Variants in FARP2 observed in about 807,000 individuals in gnomAD.
The protein encoded by FARP2 is FERM, ARHGEF and pleckstrin domain-containing protein 2.
FARP2 carries 111 observed loss-of-function variants against 130.5 expected under a neutral mutation model. The observed-to-expected ratio is 0.85, with a 90% CI of 0.73 to 1.00. The LOEUF is 1.00. Among genes scored for constraint, FARP2 ranks in the 50% least tolerant of loss-of-function variants. The pLI is 0.00. For missense variants in FARP2, 1,385 were observed against 1,346.3 expected, an observed-to-expected ratio of 1.03 and a Z score of -0.45; for synonymous variants, 504 against 516.9, an observed-to-expected ratio of 0.98 and a Z score of 0.34.
At chr2:241,492,867 C>A in intron 24 of FARP2, 62 bp from the exon 25 acceptor site, 1 of 965,858 alleles carries the variant, frequency 1.0e-6, no homozygotes, top group Non-Finnish European at 1.7e-6. Context: ...GGGGAGCAAA[C>A]CCACTCCCAC....
At chr2:241,384,420 C>T (rs1418987743) in intron 2 of FARP2, among the ~76,000 whole-genome samples, 3 of 152,136 alleles carry the variant, frequency 2.0e-5, no homozygotes, top group Admixed American at 1.3e-4. Flanking sequence ...TTCTTTCCTC[C>T]TTGATCCACA....
chr2:241,441,508 A>G lies in FARP2; in HGVS notation c.1363A>G (p.Thr455Ala), dbSNP rs769907918. ...TGGAGCAGTGGCTGGAGGCCCCGACACACCATCGGCCCAGCCCCTCGGGCC... is the reference window on the plus strand; with the variant it reads ...TGGAGCAGTGGCTGGAGGCCCCGACGCACCATCGGCCCAGCCCCTCGGGCC... ...RSGAVAGGPD[T>A]PSAQPLGPPA... Residue 455 changes from threonine to alanine, a missense_variant, in exon 13 of 27, where the codon ACA becomes GCA. By Grantham distance (58) the Thr-to-Ala change is moderately conservative. Transcript: ENST00000264042. 2 of 1,613,970 alleles carry G rather than the reference A, an allele frequency of 1.2e-6. No homozygotes were observed. The highest frequency in any genetic ancestry group is 2.2e-5 in the South Asian group (2 of 91,082).
chr2:241,490,042 C>G lies in FARP2; in HGVS notation c.2502C>G (p.Ala834=). The G allele has an allele frequency of 6.2e-7, 1 of 1,611,616 alleles. No homozygotes were observed. Among genetic ancestry groups the G allele is most frequent in the Non-Finnish European group, 8.5e-7 (1 of 1,177,700 alleles). ...YAAQKTIVVA[A]STRLEKEKWM... ...CTCAGAAAACAATCGTGGTGGCAGC[C>G]AGGTAAGGGTCTTCCATGTCTCCAT... The change falls in exon 22 of 27, where the codon GCC becomes GCG. Residue 834 remains alanine (A), a splice_region_variant and synonymous_variant. Transcript: ENST00000264042.
rs535559544 is a variant in FARP2, at chr2:241,459,682, C to A, written c.1587+2760C>A. On this transcript the variant is annotated intron_variant, in intron 14 of 26. Transcript: ENST00000264042. The surrounding 1 kb of genome is among the most constrained non-coding windows in gnomAD (Gnocchi z 5.3). ...ATGCTCCTCTGGGCCTATCCCTGGC[C>A]GCCGTCTCATCCCTGGCCTGCAGCC... is the stretch of plus-strand genomic sequence containing the variant. 5.9e-5 allele frequency among the ~76,000 whole-genome samples: 9 copies of A among 152,310 alleles called. No homozygotes were observed. The highest frequency in any genetic ancestry group is 2.2e-4 in the African/African-American group (9 of 41,572).
chr2:241,493,853 T>C (rs1012614643), intron 26 of FARP2, 155 bp from the exon 27 acceptor site: 1 of 550,276 alleles, frequency 1.8e-6, no homozygotes, highest in Non-Finnish European at 3.2e-6. Context: ...TGCCTCAGCC[T>C]CCCAAAGTGC....
chr2:241,450,938 C>G (rs926336237), intron 13 of FARP2, among the ~76,000 whole-genome samples: 1 of 152,096 alleles, frequency 6.6e-6, no homozygotes. Context: ...GGCAACAGAG[C>G]AAGACTGTCT....
intron 2 of FARP2, among the ~76,000 whole-genome samples, chr2:241,378,233 T>C (rs890999773): frequency 1.1e-4 from 16 of 150,956 alleles, no homozygotes; most frequent in African/African-American, 3.9e-4. Flanking sequence ...TACTGAGTAG[T>C]TGGGATTACA....
chr2:241,404,697 A>T (rs1574749895), intron 3 of FARP2, 102 bp from the exon 4 acceptor site: 1 of 873,524 alleles, frequency 1.1e-6, no homozygotes. Context: ...TTTTCCTGAC[A>T]TAAAAATTTA....
At chr2:241,381,101 C>T (rs1445466988) in intron 2 of FARP2, among the ~76,000 whole-genome samples, 8 of 152,242 alleles carry the variant, frequency 5.3e-5, no homozygotes, top group Non-Finnish European at 8.8e-5. Flanking sequence ...TGCCTCGTGC[C>T]GCTGGTGTTC....
chr2:241,395,768 GCT>G (rs1363548631), intron 2 of FARP2: 1 of 152,116 alleles, frequency 6.6e-6, no homozygotes, highest in East Asian at 1.9e-4. Flanking sequence ...GGAAAAAAGG[GCT>G]CTCCTGACAG....
intron 13 of FARP2, among the ~76,000 whole-genome samples, chr2:241,450,664 T>A (rs1374234927): frequency 2.1e-5 from 3 of 146,126 alleles, no homozygotes; most frequent in African/African-American, 5.1e-5. Flanking sequence ...AGAGCGAGAC[T>A]CAGTCTCAAA....
At position 241,475,860 on chromosome 2, in the gene FARP2, C is replaced by G. The variant is rs554306939; in HGVS notation, c.2135C>G (p.Ala712Gly). ...ACTGAGGGGTCTCTCCACACAGACG[C>G]CCTGAAAGCCATCACAGAGGTGACC... The part of the protein sequence containing the change: ...GHHDYADCHD[A>G]LKAITEVTTT... Residue 712 changes from alanine to glycine, a missense_variant, in exon 19 of 27, where the codon GCC becomes GGC. Physicochemically the swap from Ala to Gly is moderately conservative, Grantham distance 60 (BLOSUM62 0). Transcript: ENST00000264042. This position sits in a 1 kb window ranked among gnomAD's most constrained non-coding sequence, Gnocchi z 4.4. 6.2e-7 allele frequency: 1 copy of G among 1,612,304 alleles called. No homozygotes were observed. The highest frequency in any genetic ancestry group is 8.5e-7 in the Non-Finnish European group (1 of 1,179,106).
chr2:241,358,354 T>A (rs956538064), intron 1 of FARP2, among the ~76,000 whole-genome samples: 9 of 152,174 alleles, frequency 5.9e-5, no homozygotes, highest in African/African-American at 1.9e-4. Context: ...AGAGAAAAAA[T>A]TAGGCAATAA....
intron 7 of FARP2, among the ~76,000 whole-genome samples, chr2:241,414,626 C>T (rs559201021): frequency 1.2e-4 from 18 of 152,318 alleles, no homozygotes; most frequent in South Asian, 2.1e-4. Flanking sequence ...GTGTGGATTT[C>T]GTGCACCTCA....
intron 2 of FARP2, among the ~76,000 whole-genome samples, chr2:241,394,778 A>G (rs1010198766): frequency 1.3e-5 from 2 of 152,230 alleles, no homozygotes; most frequent in Non-Finnish European, 2.9e-5. Flanking sequence ...GTTGAGTAAC[A>G]TGCACCCATC....
chr2:241,458,616 A>G (rs1052239759), intron 14 of FARP2, among the ~76,000 whole-genome samples: 1 of 152,164 alleles, frequency 6.6e-6, no homozygotes, highest in Non-Finnish European at 1.5e-5. Flanking sequence ...TTTCCAAAAA[A>G]GATGTCTTTT....
intron 2 of FARP2, 35 bp from the exon 3 acceptor site, chr2:241,403,793 A>G (rs770603816): frequency 2.9e-6 from 4 of 1,378,476 alleles, no homozygotes; most frequent in South Asian, 1.2e-5. Context: ...TTAGTCTTTC[A>G]ATCCTTGTTA....
chr2:241,438,716 G>A (rs994433009), intron 12 of FARP2, among the ~76,000 whole-genome samples: 3 of 147,244 alleles, frequency 2.0e-5, no homozygotes, highest in Non-Finnish European at 3.0e-5. Flanking sequence ...TGCAAGCTCC[G>A]CCTCCCGGGT....
intron 8 of FARP2, 100 bp downstream of exon 8, chr2:241,418,209 A>T: frequency 7.6e-7 from 1 of 1,309,124 alleles, no homozygotes; most frequent in South Asian, 1.3e-5. Context: ...ATTTGTCCTG[A>T]TGAGTACGGG....
Sources: allele counts gnomAD v4.1 joint callset (sites outside exome capture counted in the v4.1 genomes callset), GRCh38; gene constraint gnomAD v4.1.1; non-coding constraint Gnocchi (gnomAD v3.1); transcripts MANE v1.5; gene names NCBI Gene and HGNC (gene_info 2026-07-23, HGNC 2026-07-21).